STK32A: variants seen among roughly 807,000 people sequenced by gnomAD.
The protein encoded by STK32A is serine/threonine-protein kinase 32A.
Under a neutral mutation model 53.2 loss-of-function variants are expected in STK32A, and 41 were observed. That is an observed-to-expected ratio of 0.77 (90% CI 0.60 to 1.00). STK32A has a LOEUF of 1.00. Ranked by LOEUF, STK32A falls within the 50% of genes least tolerant of loss-of-function variation. The pLI, the probability that STK32A is intolerant of heterozygous loss-of-function variation, is 0.00. For synonymous variants in STK32A, 166 were observed against 162.8 expected (o/e 1.02, Z -0.15); for missense variants, 458 against 485.8 (o/e 0.94, Z 0.54).
At chr5:147,341,645 C>A (rs1025820019) in intron 5 of STK32A, among the ~76,000 whole-genome samples, 11 of 151,918 alleles carry the variant, frequency 7.2e-5, no homozygotes, top group African/African-American at 2.4e-4. Context: ...CTGTGCCTGG[C>A]AAGAATTTTT....
At chr5:147,346,249 A>G (rs556807177) in intron 6 of STK32A, among the ~76,000 whole-genome samples, 3 of 152,158 alleles carry the variant, frequency 2.0e-5, no homozygotes, top group African/African-American at 7.2e-5. Flanking sequence ...TGAAGACCTC[A>G]TTTGCCTTCT....
At chr5:147,296,930 G>A (rs1752894305) in intron 4 of STK32A, among the ~76,000 whole-genome samples, 1 of 152,130 alleles carries the variant, frequency 6.6e-6, no homozygotes, top group African/African-American at 2.4e-5. Context: ...AATGAACAGG[G>A]CAAAGAAAGC....
At chr5:147,349,308 C>T (rs1442960135) in intron 6 of STK32A, among the ~76,000 whole-genome samples, 1 of 152,184 alleles carries the variant, frequency 6.6e-6, no homozygotes, top group African/African-American at 2.4e-5. Flanking sequence ...TGCTTAGCAG[C>T]AGGCTGGATA....
intron 4 of STK32A, among the ~76,000 whole-genome samples, chr5:147,314,740 C>CTTTTTTT (rs780298418): frequency 1.5e-5 from 2 of 136,032 alleles, no homozygotes; most frequent in African/African-American, 2.7e-5. Flanking sequence ...CTTTCTTTTT[C>CTTTTTTT]TTTTTTTTTT....
At chr5:147,270,488 A>G (rs1754982536) in intron 2 of STK32A, among the ~76,000 whole-genome samples, 1 of 152,198 alleles carries the variant, frequency 6.6e-6, no homozygotes, top group Non-Finnish European at 1.5e-5. Flanking sequence ...TGCTAGAATT[A>G]CAGGTATGAA....
intron 2 of STK32A, among the ~76,000 whole-genome samples, chr5:147,244,955 G>A (rs896942045): frequency 6.6e-6 from 1 of 152,138 alleles, no homozygotes; most frequent in Non-Finnish European, 1.5e-5. Flanking sequence ...TTTAAGTTCT[G>A]AGAAAAACAA....
chr5:147,305,320 C>A (rs922201347), intron 4 of STK32A, among the ~76,000 whole-genome samples: 4 of 152,132 alleles, frequency 2.6e-5, no homozygotes, highest in Admixed American at 6.5e-5. Flanking sequence ...CACACGGAAA[C>A]TGAAGAGGCC....
chr5:147,286,015 T>G (rs1752312915), intron 4 of STK32A, among the ~76,000 whole-genome samples: 1 of 151,620 alleles, frequency 6.6e-6, no homozygotes, highest in South Asian at 2.1e-4. Context: ...AGCACAGAGT[T>G]GCAACCCAAA....
In STK32A at chr5:147,375,166, A is replaced by C. The variant is rs1161777628; in HGVS notation, c.980A>C (p.Lys327Thr). The stretch of plus-strand genomic sequence containing the variant: ...GAGTCCAAACCTCTACATAAGAAAA[A>C]AAAGCGTCTGGCAAAGAAGGAGAAG... ...ILESKPLHKK[K>T]KRLAKKEKDM... Residue 327 changes from lysine (K) to threonine (T), a missense_variant, in exon 11 of 13, where the codon AAA (lysine) becomes ACA (threonine). Transcript: ENST00000397936. 6.2e-7 allele frequency: 1 copy of C among 1,610,730 alleles called. No individual in the cohort carries two copies. The highest frequency in any genetic ancestry group is 8.5e-7 in the Non-Finnish European group (1 of 1,178,436).
chr5:147,245,446 A>G lies in STK32A; in HGVS notation c.52+5760A>G, dbSNP rs1753737599. 2.0e-5 allele frequency among the ~76,000 whole-genome samples: 3 copies of G among 152,160 alleles called. No homozygotes were observed. The South Asian group carries it at 6.2e-4, about 32-fold the overall frequency. On this transcript the variant is annotated intron_variant, in intron 2 of 12. Transcript: ENST00000397936. ...AATCTACTTTATTTTCTCTATCTGA[A>G]TGCACTAGATTTTGTTTGTTTGTTT...
the STK32A span, among the ~76,000 whole-genome samples, chr5:147,399,495 T>C: frequency 6.6e-6 from 1 of 152,216 alleles, no homozygotes; most frequent in Non-Finnish European, 1.5e-5. Flanking sequence ...AGTATGCATT[T>C]TTTTCTATAT....
chr5:147,260,662 C>T (rs912793802), intron 2 of STK32A, among the ~76,000 whole-genome samples: 8 of 152,078 alleles, frequency 5.3e-5, no homozygotes, highest in African/African-American at 1.7e-4. Context: ...GACCTGTTTC[C>T]CCCACTCTGA....
chr5:147,395,833 C>A, the STK32A span: 6 of 1,255,290 alleles, frequency 4.8e-6, no homozygotes, highest in Admixed American at 2.5e-5. Context: ...TAGGAATTAA[C>A]AATAATAAAG....
chr5:147,371,433 C>T (rs1030586792), intron 9 of STK32A, among the ~76,000 whole-genome samples: 1 of 152,094 alleles, frequency 6.6e-6, no homozygotes, highest in Admixed American at 6.6e-5. Flanking sequence ...TTTTCTTCTT[C>T]TTTTCTTTCT....
At chr5:147,398,996 G>A in the STK32A span, 2 of 1,526,212 alleles carry the variant, frequency 1.3e-6, no homozygotes, top group Admixed American at 3.9e-5. Flanking sequence ...TAACTACCCT[G>A]GCACACCACA....
chr5:147,383,368 G>A, intron 11 of STK32A, 73 bp from the exon 12 acceptor site: 2 of 1,250,198 alleles, frequency 1.6e-6, no homozygotes, highest in Non-Finnish European at 1.1e-6. Flanking sequence ...CTGTCACCAG[G>A]TTATTGGCTG....
At chr5:147,266,283 G>A (rs903128417) in intron 2 of STK32A, among the ~76,000 whole-genome samples, 2 of 152,212 alleles carry the variant, frequency 1.3e-5, no homozygotes, top group African/African-American at 2.4e-5. Context: ...CAAAGAGTGA[G>A]TAAGTCGATG....
chr5:147,377,106 C>T (rs1757261986), intron 11 of STK32A, among the ~76,000 whole-genome samples: 1 of 152,124 alleles, frequency 6.6e-6, no homozygotes, highest in African/African-American at 2.4e-5. Flanking sequence ...GCACTGCCTT[C>T]ACCTATCCCA....
intron 5 of STK32A, among the ~76,000 whole-genome samples, chr5:147,337,741 T>C (rs1372420299): frequency 6.6e-6 from 1 of 152,126 alleles, no homozygotes; most frequent in Non-Finnish European, 1.5e-5. Flanking sequence ...TGAAGCATTC[T>C]TACAAAGAAT....
Sources: gnomAD v4.1 joint callset for allele counts (sites outside exome capture counted in the v4.1 genomes callset) on GRCh38, gnomAD v4.1.1 for gene constraint, MANE v1.5 for transcripts, NCBI Gene and HGNC (gene_info 2026-07-23, HGNC 2026-07-21) for gene names.